Variants in TBC1D2B observed in about 807,000 individuals in gnomAD.
The protein encoded by TBC1D2B is TBC1 domain family member 2B, also known as TBC1 domain family, member 2B.
In TBC1D2B, 64 loss-of-function variants were observed where a neutral mutation model predicts 100.8. The ratio of observed to expected loss-of-function variants is 0.64; its 90% CI spans 0.52 to 0.78. The LOEUF (loss-of-function observed/expected upper bound fraction) is 0.78, where lower values mean the gene tolerates loss of function less well. TBC1D2B is among the 30% of genes least tolerant of loss of function. The probability of loss-of-function intolerance (pLI) is 0.00; values close to 1 mark genes in which losing one functional copy is unlikely to be tolerated. For synonymous variants in TBC1D2B, 480 were observed against 479.7 expected, an observed-to-expected ratio of 1.00 and a Z score of -0.01; for missense variants, 1,052 against 1,218.4, an observed-to-expected ratio of 0.86 and a Z score of 2.03.
At chr15:78,015,436 A>G (rs2072346849) in intron 8 of TBC1D2B, among the ~76,000 whole-genome samples, 1 of 152,250 alleles carries the variant, frequency 6.6e-6, no homozygotes, top group South Asian at 2.1e-4. Flanking sequence ...TCACTTATAT[A>G]TAAAATTTGA....
chr15:78,032,652 T>TA (rs1177782674), intron 3 of TBC1D2B, among the ~76,000 whole-genome samples: 4 of 150,604 alleles, frequency 2.7e-5, no homozygotes, highest in Non-Finnish European at 5.9e-5. Context: ...ATAAACATCT[T>TA]AGAGACATAG....
In TBC1D2B at chr15:78,025,371, G is replaced by A. The variant is rs764501629; in HGVS notation, c.974C>T (p.Thr325Ile). ...HSSGDPSSEG[T>I]SGSGSVSIRK... Reference sequence around the variant, plus strand: ...GATGCTGACGCTGCCACTGCCTGATGTGCCTTCACTTGAAGGGTCACCACT... The same window carrying A: ...GATGCTGACGCTGCCACTGCCTGATATGCCTTCACTTGAAGGGTCACCACT... Residue 325 changes from threonine (T) to isoleucine (I), a missense_variant, in exon 5 of 13, where the codon ACA becomes ATA. This residue lies in a region of TBC1D2B where 627 missense variants were observed against 646.1 expected (regional missense o/e 0.97). Transcript: ENST00000300584. 1.9e-6 allele frequency: 3 copies of A among 1,613,770 alleles called. No individual in the cohort carries two copies. Among genetic ancestry groups the A allele is most frequent in the South Asian group, 1.1e-5 (1 of 91,078 alleles).
At chr15:78,001,898 A>C (rs2071925395) in intron 11 of TBC1D2B, 158 bp from the exon 12 acceptor site, 1 of 759,086 alleles carries the variant, frequency 1.3e-6, no homozygotes, top group Non-Finnish European at 2.0e-6. Flanking sequence ...GGCAATTTTC[A>C]CTGGCTAGGC....
At chr15:78,054,442 A>G (rs1026418117) in intron 1 of TBC1D2B, among the ~76,000 whole-genome samples, 1 of 152,274 alleles carries the variant, frequency 6.6e-6, no homozygotes, top group Non-Finnish European at 1.5e-5. Flanking sequence ...ATAATGCAGT[A>G]TAACATTTTC....
At chr15:78,048,994 GA>G (rs2073256723) in intron 2 of TBC1D2B, among the ~76,000 whole-genome samples, 2 of 152,238 alleles carry the variant, frequency 1.3e-5, no homozygotes, top group South Asian at 2.1e-4. Context: ...CACAGCAAAC[GA>G]AAGTCTGGGT....
At chr15:78,062,338 C>T (rs965068539) in intron 1 of TBC1D2B, among the ~76,000 whole-genome samples, 2 of 152,164 alleles carry the variant, frequency 1.3e-5, no homozygotes, top group African/African-American at 4.8e-5. Context: ...AAAGACCAAA[C>T]AACTTCAAAG....
chr15:77,997,061 G>C lies in TBC1D2B; in HGVS notation c.*1099C>G, dbSNP rs2141601912. On this transcript the variant is annotated 3_prime_UTR_variant, in exon 13 of 13. Transcript: ENST00000300584. ...AGTGGTGGGGTGGGCACACATCTGGGAGAGCTCACCCAAGCCTGCCCCAAG... is the reference window on the plus strand; with the variant it reads ...AGTGGTGGGGTGGGCACACATCTGGCAGAGCTCACCCAAGCCTGCCCCAAG... 1 of 152,420 alleles carries C rather than the reference G, an allele frequency of 6.6e-6. No homozygotes were observed. The highest frequency in any genetic ancestry group is 1.5e-5 in the Non-Finnish European group (1 of 68,088). The allele number at this position is 152,420 out of a possible 1,614,324, so 9.4% of individuals were successfully genotyped here. A position where few individuals can be genotyped will look rare whatever the true frequency, so the allele number is the denominator to read the frequency against.
At chr15:78,003,780 G>A (rs1409213995) in intron 10 of TBC1D2B, among the ~76,000 whole-genome samples, 1 of 152,194 alleles carries the variant, frequency 6.6e-6, no homozygotes, top group African/African-American at 2.4e-5. Flanking sequence ...AAAATGCCCT[G>A]GGAAATAGGC....
At chr15:78,064,621 C>T (rs1051301072) in intron 1 of TBC1D2B, among the ~76,000 whole-genome samples, 1 of 152,002 alleles carries the variant, frequency 6.6e-6, no homozygotes, top group Non-Finnish European at 1.5e-5. Context: ...CCTGGTAATA[C>T]AAAACAAAAT....
intron 2 of TBC1D2B, chr15:78,053,815 T>C: frequency 2.1e-6 from 1 of 487,744 alleles, no homozygotes; most frequent in Non-Finnish European, 3.6e-6. Context: ...GTATCTTCCA[T>C]ATGCTTGGCA....
At chr15:78,040,696 GGGGA>G (rs1421638094) in intron 3 of TBC1D2B, among the ~76,000 whole-genome samples, 6 of 138,008 alleles carry the variant, frequency 4.3e-5, no homozygotes, top group African/African-American at 8.1e-5. Context: ...AAAGAAAGGG[GGGGA>G]GGGAGGGAGG....
At chr15:78,009,825 A>C (rs1252933552) in intron 9 of TBC1D2B, among the ~76,000 whole-genome samples, 2 of 152,058 alleles carry the variant, frequency 1.3e-5, no homozygotes, top group African/African-American at 4.8e-5. Context: ...ATACAAAAAA[A>C]TTAGCCAGGC....
At chr15:78,017,545 A>G (rs1031126113) in intron 7 of TBC1D2B, among the ~76,000 whole-genome samples, 1 of 152,224 alleles carries the variant, frequency 6.6e-6, no homozygotes, top group African/African-American at 2.4e-5. Context: ...AAAGAAAGCA[A>G]TACCTTATGT....
At chr15:78,058,597 C>A (rs2073476410) in intron 1 of TBC1D2B, among the ~76,000 whole-genome samples, 2 of 152,366 alleles carry the variant, frequency 1.3e-5, no homozygotes, top group East Asian at 1.9e-4. Context: ...GTTCCCTCCG[C>A]TGAGCCTCAG....
At chr15:78,064,011 C>T (rs1458522228) in intron 1 of TBC1D2B, among the ~76,000 whole-genome samples, 2 of 152,136 alleles carry the variant, frequency 1.3e-5, no homozygotes, top group South Asian at 2.1e-4. Flanking sequence ...TCATATATGT[C>T]GCATGCTTAA....
intron 2 of TBC1D2B, among the ~76,000 whole-genome samples, chr15:78,047,593 G>A (rs565241469): frequency 1.3e-5 from 2 of 152,220 alleles, no homozygotes; most frequent in Admixed American, 1.3e-4. Context: ...TACTAGGGTT[G>A]CCTTTAAGAT....
intron 1 of TBC1D2B, among the ~76,000 whole-genome samples, chr15:78,058,459 G>A (rs1183090787): frequency 2.6e-5 from 4 of 152,164 alleles, no homozygotes; most frequent in Non-Finnish European, 5.9e-5. Context: ...ACATTCTTTA[G>A]GAACCCAGGC....
chr15:78,033,435 A>G (rs1166274043), intron 3 of TBC1D2B, among the ~76,000 whole-genome samples: 1 of 152,226 alleles, frequency 6.6e-6, no homozygotes, highest in Non-Finnish European at 1.5e-5. Context: ...CCATTTATAT[A>G]AAAATTTTTA....
At chr15:78,051,975 G>T (rs1159019293) in intron 2 of TBC1D2B, among the ~76,000 whole-genome samples, 1 of 152,182 alleles carries the variant, frequency 6.6e-6, no homozygotes, top group East Asian at 1.9e-4. Flanking sequence ...ATTAATAGAA[G>T]TCTAATGTTA....
Sources: gnomAD v4.1 joint callset for allele counts (sites outside exome capture counted in the v4.1 genomes callset) on GRCh38, gnomAD v4.1.1 for gene constraint, gnomAD v4.1.1 regional missense constraint, MANE v1.5 for transcripts, NCBI Gene and HGNC (gene_info 2026-07-23, HGNC 2026-07-21) for gene names.